DEPTOR: variants seen among roughly 807,000 people sequenced by gnomAD.
DEPTOR encodes the protein DEP domain-containing mTOR-interacting protein.
In DEPTOR, 41 loss-of-function variants were observed where a neutral mutation model predicts 41.6. The ratio of observed to expected loss-of-function variants is 0.98; its 90% CI spans 0.77 to 1.28. The LOEUF (loss-of-function observed/expected upper bound fraction) is 1.28. Among genes scored for constraint, DEPTOR ranks in the 50% most tolerant of loss-of-function variants. The pLI, the probability that DEPTOR is intolerant of heterozygous loss-of-function variation, is 0.00. For missense variants in DEPTOR, 514 were observed against 527.9 expected (o/e 0.97, Z 0.26); for synonymous variants, 195 against 192.3 (o/e 1.01, Z -0.12).
intron 3 of DEPTOR, among the ~76,000 whole-genome samples, chr8:119,935,849 C>G (rs1480806859): frequency 6.6e-6 from 1 of 152,082 alleles, no homozygotes; most frequent in Non-Finnish European, 1.5e-5. Flanking sequence ...GGTTTTTCCT[C>G]ACTAAACCCA....
chr8:120,001,403 A>G (rs1586652668), intron 4 of DEPTOR, 122 bp from the exon 5 acceptor site: 4 of 660,180 alleles, frequency 6.1e-6, no homozygotes, highest in East Asian at 5.5e-5. Flanking sequence ...CTCATGTGGC[A>G]TCTGTGGAAG....
At chr8:119,984,690 A>C (rs185767811) in intron 4 of DEPTOR, among the ~76,000 whole-genome samples, 64 of 152,288 alleles carry the variant, frequency 4.2e-4, no homozygotes, top group African/African-American at 1.3e-3. Flanking sequence ...TGGGTTGGTT[A>C]CAAGTCTTTG....
intron 4 of DEPTOR, 37 bp downstream of exon 4, chr8:119,965,447 C>T (rs745727920): frequency 5.6e-6 from 9 of 1,596,048 alleles, no homozygotes; most frequent in Non-Finnish European, 7.7e-6. Context: ...CAGGAACAAA[C>T]AGCCAGCCCC....
chr8:119,982,898 T>G (rs1323854992), intron 4 of DEPTOR, among the ~76,000 whole-genome samples: 1 of 152,204 alleles, frequency 6.6e-6, no homozygotes, highest in Non-Finnish European at 1.5e-5. Flanking sequence ...AGTCGGTGAC[T>G]CATATGGTTT....
intron 1 of DEPTOR, among the ~76,000 whole-genome samples, chr8:119,926,010 A>G (rs1827959317): frequency 6.6e-6 from 1 of 152,224 alleles, no homozygotes; most frequent in African/African-American, 2.4e-5. Flanking sequence ...TTTCTGTTCC[A>G]GCATTAATTT....
At chr8:119,921,759 TGTTTGTTTGTTTG>T (rs1367797880) in intron 1 of DEPTOR, among the ~76,000 whole-genome samples, 1,654 of 146,018 alleles carry the variant, frequency 0.011, 136 homozygotes, top group African/African-American at 0.042. Context: ...TTTTTTTTTT[TGTTTGTTTGTTTG>T]TTTTTTGAAA....
intron 1 of DEPTOR, among the ~76,000 whole-genome samples, chr8:119,888,880 AAG>A: frequency 6.6e-6 from 1 of 150,936 alleles, no homozygotes; most frequent in Non-Finnish European, 1.5e-5. Flanking sequence ...AAAAAAAAAA[AAG>A]ACTTCTTTGT....
chr8:120,035,505 C>A lies in DEPTOR; in HGVS notation c.1102-14071C>A, dbSNP rs114714681. Among the ~76,000 whole-genome samples the A allele has an allele frequency of 8.0e-3, 1,218 of 152,182 alleles. 18 individuals are homozygous for A. The highest frequency in any genetic ancestry group is 0.027 in the African/African-American group (1,124 of 41,512). On this transcript the variant is annotated intron_variant, in intron 8 of 8. Coordinates refer to ENST00000286234, the MANE Select transcript of DEPTOR (RefSeq NM_022783.4). ...TTGTTCTTAGGTGATAGATACCTTTCCTTCAGTGGTAAAGGAGGGAGTCCA... is the reference window on the plus strand; with the variant it reads ...TTGTTCTTAGGTGATAGATACCTTTACTTCAGTGGTAAAGGAGGGAGTCCA...
intron 4 of DEPTOR, 65 bp downstream of exon 4, chr8:119,965,475 A>G (rs1176305299): frequency 4.5e-6 from 7 of 1,548,162 alleles, no homozygotes; most frequent in South Asian, 1.2e-5. Context: ...GTGTCTTACA[A>G]CAACACGTAC....
At chr8:119,889,671 GAGA>G (rs1827426180) in intron 1 of DEPTOR, among the ~76,000 whole-genome samples, 7 of 71,454 alleles carry the variant, frequency 9.8e-5, no homozygotes, top group Admixed American at 3.8e-4. Context: ...GAGGGGAGGG[GAGA>G]GGAGGGGAGG....
intron 8 of DEPTOR, among the ~76,000 whole-genome samples, chr8:120,017,643 C>T (rs1812634530): frequency 2.0e-5 from 3 of 152,108 alleles, no homozygotes; most frequent in Admixed American, 2.0e-4. Flanking sequence ...GTGAAAAATC[C>T]CAAATCCTCA....
chr8:119,879,066 C>T (rs549384969), intron 1 of DEPTOR, among the ~76,000 whole-genome samples: 15 of 151,644 alleles, frequency 9.9e-5, no homozygotes, highest in South Asian at 2.1e-4. Context: ...GCCGAGATCG[C>T]GCCAATGCAC....
At chr8:120,016,583 G>T (rs1467832520) in intron 8 of DEPTOR, among the ~76,000 whole-genome samples, 1 of 151,586 alleles carries the variant, frequency 6.6e-6, no homozygotes, top group African/African-American at 2.4e-5. Flanking sequence ...TTGTAGGTGT[G>T]AGCCACCATG....
intron 8 of DEPTOR, among the ~76,000 whole-genome samples, chr8:120,021,777 G>T (rs901045962): frequency 6.6e-6 from 1 of 152,128 alleles, no homozygotes; most frequent in Non-Finnish European, 1.5e-5. Context: ...TGTGTATGAG[G>T]TATCAAGCCC....
intron 3 of DEPTOR, among the ~76,000 whole-genome samples, chr8:119,960,926 C>T (rs868388618): frequency 6.6e-6 from 1 of 151,768 alleles, no homozygotes; most frequent in South Asian, 2.1e-4. Flanking sequence ...GGAGGTTGCA[C>T]TGAGATTGCA....
chr8:120,016,573 T>C (rs1405917388), intron 8 of DEPTOR, among the ~76,000 whole-genome samples: 1 of 151,754 alleles, frequency 6.6e-6, no homozygotes, highest in Non-Finnish European at 1.5e-5. Context: ...AGTGCTGGGA[T>C]TGTAGGTGTG....
chr8:119,958,348 T>C (rs2129947660), intron 3 of DEPTOR, among the ~76,000 whole-genome samples: 1 of 152,268 alleles, frequency 6.6e-6, no homozygotes, highest in East Asian at 1.9e-4. Context: ...TTCATGGTGA[T>C]TTCAGGAGGG....
intron 8 of DEPTOR, among the ~76,000 whole-genome samples, chr8:120,032,487 C>G (rs1812907423): frequency 6.6e-6 from 1 of 152,124 alleles, no homozygotes; most frequent in Non-Finnish European, 1.5e-5. Flanking sequence ...TCCCAAAGTG[C>G]TGGGATTACA....
chr8:120,029,071 C>CA (rs1563596973), intron 8 of DEPTOR, among the ~76,000 whole-genome samples: 148 of 58,072 alleles, frequency 2.5e-3, no homozygotes, highest in African/African-American at 0.01. Context: ...AAAACTCCAT[C>CA]TAAAAAAAAA....
Sources: gnomAD v4.1 joint callset for allele counts (sites outside exome capture counted in the v4.1 genomes callset) on GRCh38, gnomAD v4.1.1 for gene constraint, MANE v1.5 for transcripts, NCBI Gene and HGNC (gene_info 2026-07-23, HGNC 2026-07-21) for gene names.